The following MYOC variants were observed in gnomAD, a reference collection of about 807,000 sequenced individuals.
MYOC encodes juvenile-onset open-angle glaucoma 1.
A neutral mutation model predicts 28.2 loss-of-function variants in MYOC; 29 were observed. That is an observed-to-expected ratio of 1.03 (90% CI 0.77 to 1.40). The LOEUF is 1.40. Among genes scored for constraint, MYOC ranks in the 40% most tolerant of loss-of-function variants. The pLI is 0.00. For missense variants in MYOC, 569 were observed against 620.6 expected, an observed-to-expected ratio of 0.92 and a Z score of 0.88; for synonymous variants, 240 against 245.6, an observed-to-expected ratio of 0.98 and a Z score of 0.21.
Position 171,638,680 on chromosome 1 carries a change from T to A in MYOC, c.647A>T (p.Lys216Met). 6.2e-7 allele frequency: 1 copy of A among 1,614,180 alleles called. No individual in the cohort carries two copies. Among genetic ancestry groups the A allele is most frequent in the Non-Finnish European group, 8.5e-7 (1 of 1,180,012 alleles). Residue 216 changes from lysine to methionine, a missense_variant, in exon 2 of 3, where the codon AAG becomes ATG. Lys to Met is a moderately conservative substitution (Grantham distance 95). Coordinates refer to ENST00000037502, the MANE Select transcript of MYOC (RefSeq NM_000261.2). ...AGCAGGAACTTCAGTTAGCTCGGACTTCAGTTCCTGGAAGGCCAAAGTGTC... is the reference window on the plus strand; with the variant it reads ...AGCAGGAACTTCAGTTAGCTCGGACATCAGTTCCTGGAAGGCCAAAGTGTC... ...NLDTLAFQEL[K>M]SELTEVPASR...
intron 1 of MYOC, among the ~76,000 whole-genome samples, chr1:171,644,503 A>C (rs1653151773): frequency 6.6e-6 from 1 of 152,144 alleles, no homozygotes; most frequent in Non-Finnish European, 1.5e-5. Context: ...AACCCAAAAA[A>C]GTCAGGCATT....
intron 2 of MYOC, 62 bp downstream of exon 2, chr1:171,638,535 C>T (rs1337999039): frequency 1.2e-6 from 2 of 1,600,622 alleles, no homozygotes; most frequent in Non-Finnish European, 1.7e-6. Flanking sequence ...ATTCTCTGAA[C>T]ACAGCACTAG....
intron 2 of MYOC, 78 bp downstream of exon 2, chr1:171,638,519 A>G: frequency 6.4e-7 from 1 of 1,572,128 alleles, no homozygotes; most frequent in Non-Finnish European, 8.7e-7. Flanking sequence ...CATTTACCCT[A>G]TACTGATTCT....
At position 171,642,222 on chromosome 1, in the gene MYOC, T is replaced by C. The variant is rs138591723; in HGVS notation, c.605-3500A>G. Among the ~76,000 whole-genome samples the C allele has an allele frequency of 5.5e-4, 83 of 152,278 alleles. No homozygotes were observed. The East Asian group carries it at 0.015, about 28-fold the overall frequency. On this transcript the variant is annotated intron_variant, in intron 1 of 2. Transcript: ENST00000037502. Reference sequence around the variant, plus strand: ...CACCCCTGCCTCTGTGTGGCTGCAGTTGTTAGCCTCCCTAAAAGTGTTAAT... The same window carrying C: ...CACCCCTGCCTCTGTGTGGCTGCAGCTGTTAGCCTCCCTAAAAGTGTTAAT...
At chr1:171,640,276 G>A (rs556447882) in intron 1 of MYOC, among the ~76,000 whole-genome samples, 8 of 152,168 alleles carry the variant, frequency 5.3e-5, no homozygotes, top group African/African-American at 1.9e-4. Context: ...GTTTGGGGTG[G>A]GGGTGGTGAG....
chr1:171,637,696 T>C (rs1301578787), intron 2 of MYOC, among the ~76,000 whole-genome samples: 1 of 151,498 alleles, frequency 6.6e-6, no homozygotes, highest in Non-Finnish European at 1.5e-5. Flanking sequence ...CACTGCAACC[T>C]CTGCCTCCTG....
rs540252779 is a variant in MYOC, at chr1:171,646,648, C to T, written c.604+5360G>A. On this transcript the variant is annotated intron_variant, in intron 1 of 2. Transcript: ENST00000037502. The stretch of plus-strand genomic sequence containing the variant: ...AGTAGCTGGGACTACAGGTGCCTGC[C>T]ACCACGCCTGGCTAATTTTTGTATT... 7.2e-5 allele frequency among the ~76,000 whole-genome samples: 11 copies of T among 152,060 alleles called. No individual in the cohort carries two copies. In the South Asian group the frequency reaches 2.3e-3, roughly 32 times the overall value.
chr1:171,640,026 G>A (rs951011456), intron 1 of MYOC, among the ~76,000 whole-genome samples: 1 of 150,098 alleles, frequency 6.7e-6, no homozygotes, highest in East Asian at 1.9e-4. Context: ...AAGACAGGAG[G>A]AGTACTTGAG....
chr1:171,638,753 T>C (rs1652993836), intron 1 of MYOC, 31 bp from the exon 2 acceptor site: 1 of 1,612,392 alleles, frequency 6.2e-7, no homozygotes, highest in Non-Finnish European at 8.5e-7. Context: ...AAAATTTTAC[T>C]GTAAGAAAAA....
At chr1:171,641,710 C>G (rs1653080070) in intron 1 of MYOC, among the ~76,000 whole-genome samples, 1 of 152,236 alleles carries the variant, frequency 6.6e-6, no homozygotes, top group African/African-American at 2.4e-5. Flanking sequence ...TTTTCTCTTG[C>G]TGAACCTCTG....
rs781655611 is a variant in MYOC at position 171,638,599 on chromosome 1, G to T, written c.728C>A (p.Thr243Asn). Residue 243 changes from threonine (T) to asparagine (N), a missense_variant and splice_region_variant, in exon 2 of 3, where the codon ACC becomes AAC. Transcript: ENST00000037502. Reference sequence around the variant, plus strand: ...AGGGAAGAAACTTAACTTCATACCGGTGTCTCCCTCTCCACTCCTGAGATA... The same window carrying T: ...AGGGAAGAAACTTAACTTCATACCGTTGTCTCCCTCTCCACTCCTGAGATA... ...SGYLRSGEGD[T>N]GCGELVWVGE... The T allele has an allele frequency of 3.7e-6, 6 of 1,614,086 alleles. No homozygotes were observed. The highest frequency in any genetic ancestry group is 5.1e-6 in the Non-Finnish European group (6 of 1,179,948).
Position 171,652,243 on chromosome 1 carries a change from G to A in MYOC, c.369C>T (p.Thr123=), listed in dbSNP as rs75682756. The A allele has an allele frequency of 9.0e-5, 146 of 1,614,188 alleles. 1 individual carries two copies. In the East Asian group the frequency reaches 2.7e-3, roughly 30 times the overall value. Residue 123 remains threonine (T), a synonymous_variant, in exon 1 of 3, where the codon ACC becomes ACT. Transcript: ENST00000037502. ...CCAGCTGGTCCCGCTCCCGCCTCAG[G>A]GTGCCCAGCTCCCTCTGCAGCCCCT... ...TQEGLQRELG[T]LRRERDQLET...
At chr1:171,647,606 G>T (rs578231926) in intron 1 of MYOC, among the ~76,000 whole-genome samples, 1 of 152,168 alleles carries the variant, frequency 6.6e-6, no homozygotes, top group African/African-American at 2.4e-5. Context: ...TATTCACTGG[G>T]TGGCCACTGC....
At chr1:171,639,674 G>A (rs1406811141) in intron 1 of MYOC, among the ~76,000 whole-genome samples, 4 of 135,278 alleles carry the variant, frequency 3.0e-5, no homozygotes, top group African/African-American at 8.6e-5. Flanking sequence ...AAAAGAGACC[G>A]GGCACAGTGG....
At chr1:171,644,537 T>G (rs1194105478) in intron 1 of MYOC, among the ~76,000 whole-genome samples, 2 of 151,106 alleles carry the variant, frequency 1.3e-5, no homozygotes, top group Non-Finnish European at 2.9e-5. Flanking sequence ...TCCTTGTGGA[T>G]AGCTAAAGTA....
chr1:171,652,161 CT>C lies in MYOC; in HGVS notation c.450del (p.Val151PhefsTer9). 6.2e-7 allele frequency: 1 copy of C among 1,614,194 alleles called. No homozygotes were observed. Among genetic ancestry groups the C allele is most frequent in the Non-Finnish European group, 8.5e-7 (1 of 1,180,036 alleles). ...TAYSNLLRDKSVLEEEKKRLR... is the reference protein window; with the variant it reads ...TAYSNLLRDKXVLEEEKKRLR... ...AGTCGCTTCTTCTCTTCCTCCAGAA[CT>C]GACTTGTCTCGGAGGAGGTTGCTGT... On this transcript the variant is annotated frameshift_variant, in exon 1 of 3. Coordinates refer to ENST00000037502, the MANE Select transcript of MYOC (RefSeq NM_000261.2). LOFTEE classifies it high-confidence loss of function.
intron 2 of MYOC, among the ~76,000 whole-genome samples, chr1:171,637,234 T>A (rs914590857): frequency 2.0e-5 from 3 of 152,334 alleles, no homozygotes; most frequent in Middle Eastern, 3.4e-3. Context: ...ATTGTGACTT[T>A]CATGCCTGGT....
chr1:171,643,986 A>G (rs1456822700), intron 1 of MYOC, among the ~76,000 whole-genome samples: 3 of 139,748 alleles, frequency 2.1e-5, no homozygotes, highest in African/African-American at 7.9e-5. Context: ...AAAAAAAAAA[A>G]AAAAAAAGGA....
chr1:171,651,007 A>G (rs1399815909), intron 1 of MYOC, among the ~76,000 whole-genome samples: 1 of 152,152 alleles, frequency 6.6e-6, no homozygotes, highest in Non-Finnish European at 1.5e-5. Context: ...TGAGCAGTCA[A>G]ATTGCCTCAG....
Sources: allele counts gnomAD v4.1 joint callset (sites outside exome capture counted in the v4.1 genomes callset), GRCh38; gene constraint gnomAD v4.1.1; transcripts MANE v1.5; gene names NCBI Gene and HGNC (gene_info 2026-07-23, HGNC 2026-07-21).